Variants in PDE8B observed in about 807,000 individuals in gnomAD.
PDE8B encodes the protein phosphodiesterase 8B, also known as high affinity cAMP-specific and IBMX-insensitive 3',5'-cyclic phosphodiesterase 8B.
Under a neutral mutation model 101.3 loss-of-function variants are expected in PDE8B, and 26 were observed. That is an observed-to-expected ratio of 0.26 (90% CI 0.19 to 0.36). PDE8B has a LOEUF of 0.36. PDE8B is among the 10% of genes least tolerant of loss of function. The pLI, the probability that PDE8B is intolerant of heterozygous loss-of-function variation, is 1.00. For missense variants in PDE8B, 810 were observed against 1,163.1 expected (o/e 0.70, Z 4.42); for synonymous variants, 424 against 429.3 (o/e 0.99, Z 0.15).
At chr5:77,292,697 C>T (rs1388796442) in intron 1 of PDE8B, among the ~76,000 whole-genome samples, 1 of 152,082 alleles carries the variant, frequency 6.6e-6, no homozygotes, top group African/African-American at 2.4e-5. Context: ...TTTTCTTGAC[C>T]CTTTTTAATT....
At chr5:77,116,419 T>A in the PDE8B span, among the ~76,000 whole-genome samples, 98 of 151,834 alleles carry the variant, frequency 6.5e-4, no homozygotes, top group Middle Eastern at 3.4e-3. Flanking sequence ...TTTACAGAAA[T>A]ACAAAAGAGA....
the PDE8B span, chr5:77,087,392 G>C: frequency 6.6e-6 from 1 of 152,278 alleles, no homozygotes; most frequent in African/African-American, 2.4e-5. Context: ...GCTGAGTGTG[G>C]TTGAAATGTA....
chr5:77,186,076 A>G, the PDE8B span, among the ~76,000 whole-genome samples: 2 of 152,200 alleles, frequency 1.3e-5, no homozygotes, highest in South Asian at 2.1e-4. Flanking sequence ...GGTGGCTATT[A>G]TTATTTGCAG....
the PDE8B span, among the ~76,000 whole-genome samples, chr5:77,171,159 C>G: frequency 3.3e-5 from 5 of 152,096 alleles, no homozygotes; most frequent in African/African-American, 1.2e-4. Context: ...TTTGCATAGG[C>G]CTTGTAGTGT....
the PDE8B span, among the ~76,000 whole-genome samples, chr5:77,204,410 CAA>C: frequency 1.2e-3 from 132 of 106,088 alleles, no homozygotes; most frequent in African/African-American, 2.8e-3. Context: ...GACTCTGTCT[CAA>C]AAAAAAAAAA....
At chr5:77,244,846 AG>A (rs1244380285) in intron 1 of PDE8B, among the ~76,000 whole-genome samples, 1 of 152,154 alleles carries the variant, frequency 6.6e-6, no homozygotes, top group Non-Finnish European at 1.5e-5. Context: ...CCACTAAGCT[AG>A]TCACCCCTCA....
intron 16 of PDE8B, 138 bp downstream of exon 16, chr5:77,412,373 T>A (rs779922257): frequency 1.2e-6 from 1 of 821,824 alleles, no homozygotes; most frequent in Non-Finnish European, 2.0e-6. Flanking sequence ...GTTAGAGTAG[T>A]GTTGAATGAG....
At chr5:77,276,861 C>T (rs1763951994) in intron 1 of PDE8B, among the ~76,000 whole-genome samples, 1 of 152,196 alleles carries the variant, frequency 6.6e-6, no homozygotes, top group Admixed American at 6.5e-5. Flanking sequence ...AGTGTCCTTA[C>T]AGTGAATTTT....
chr5:77,116,847 C>A, the PDE8B span, among the ~76,000 whole-genome samples: 2 of 152,176 alleles, frequency 1.3e-5, no homozygotes, highest in Non-Finnish European at 2.9e-5. Context: ...TTATGGAACT[C>A]TTCTCTAGGT....
At chr5:77,217,616 A>G (rs910874084) in intron 1 of PDE8B, among the ~76,000 whole-genome samples, 2 of 151,414 alleles carry the variant, frequency 1.3e-5, no homozygotes, top group Non-Finnish European at 2.9e-5. Flanking sequence ...GCTAACTGCA[A>G]CCTCCGCCTC....
Position 77,427,985 on chromosome 5 carries a change from T to C in PDE8B, c.*1431T>C, listed in dbSNP as rs554088433. 2 of 152,344 alleles carry C rather than the reference T, an allele frequency of 1.3e-5. No homozygotes were observed. Among genetic ancestry groups the C allele is most frequent in the Admixed American group, 6.5e-5 (1 of 15,304 alleles). 9.4% of individuals were successfully genotyped at this position (152,344 alleles called of 1,614,324 possible). On this transcript the variant is annotated 3_prime_UTR_variant, in exon 22 of 22. Coordinates refer to ENST00000264917, the MANE Select transcript of PDE8B (RefSeq NM_003719.5). The stretch of plus-strand genomic sequence containing the variant: ...GGGGAAAAAATGACTTATCACTACA[T>C]AATGTGCCAATGTTTTTTTCTATGT...
rs144304489 is a variant in PDE8B, at chr5:77,403,373, G to A, written c.1211-1347G>A. Among the ~76,000 whole-genome samples the A allele has an allele frequency of 5.3e-5, 8 of 152,230 alleles. No individual in the cohort carries two copies. In the East Asian group the frequency reaches 1.5e-3, roughly 29 times the overall value. ...TTTTCTTCCTTTCCTGTGATCAGCAGTATGCATCATTTGATGAAATCCATC... is the reference window on the plus strand; with the variant it reads ...TTTTCTTCCTTTCCTGTGATCAGCAATATGCATCATTTGATGAAATCCATC... On this transcript the variant is annotated intron_variant, in intron 11 of 21. Coordinates refer to ENST00000264917, the MANE Select transcript of PDE8B (RefSeq NM_003719.5).
chr5:77,296,166 CTTCTTTTTTCTTCT>C (rs912440203), intron 1 of PDE8B, among the ~76,000 whole-genome samples: 5 of 152,066 alleles, frequency 3.3e-5, no homozygotes, highest in African/African-American at 1.2e-4. Context: ...TCATCATCTT[CTTCTTTTTTCTTCT>C]TTTTTTCTTC....
chr5:77,364,241 T>C (rs1217082495), intron 10 of PDE8B, among the ~76,000 whole-genome samples: 2 of 152,194 alleles, frequency 1.3e-5, no homozygotes, highest in Non-Finnish European at 2.9e-5. Flanking sequence ...GCATTTCAGT[T>C]CAGCTTTCTA....
At chr5:77,329,523 A>G (rs1474606667) in intron 4 of PDE8B, among the ~76,000 whole-genome samples, 2 of 152,222 alleles carry the variant, frequency 1.3e-5, no homozygotes, top group Admixed American at 1.3e-4. Context: ...TGGGACTGAT[A>G]TGTGGCTAGA....
chr5:77,290,268 A>G (rs1221224894), intron 1 of PDE8B: 4 of 1,559,388 alleles, frequency 2.6e-6, no homozygotes, highest in Admixed American at 3.7e-5. Flanking sequence ...TGCTGCCTTC[A>G]TGTCCACTCT....
At chr5:77,301,106 G>A (rs1218806710) in intron 1 of PDE8B, among the ~76,000 whole-genome samples, 2 of 152,258 alleles carry the variant, frequency 1.3e-5, no homozygotes, top group South Asian at 2.1e-4. Flanking sequence ...CACCAGAGTC[G>A]GGAAAGTGAG....
the PDE8B span, among the ~76,000 whole-genome samples, chr5:77,135,783 T>C: frequency 1.1e-4 from 16 of 152,054 alleles, no homozygotes; most frequent in Non-Finnish European, 2.4e-4. Flanking sequence ...CTGGAATTTT[T>C]TTTTTTTTAA....
chr5:77,141,849 C>T, the PDE8B span: 4 of 152,068 alleles, frequency 2.6e-5, no homozygotes, highest in African/African-American at 9.7e-5. Flanking sequence ...GTAACATATT[C>T]ACGTTCTATT....
Sources: allele counts gnomAD v4.1 joint callset (sites outside exome capture counted in the v4.1 genomes callset), GRCh38; gene constraint gnomAD v4.1.1; transcripts MANE v1.5; gene names NCBI Gene and HGNC (gene_info 2026-07-23, HGNC 2026-07-21).